The following OR14A2 variants were observed in gnomAD, a reference collection of about 807,000 sequenced individuals.
The protein encoded by OR14A2 is olfactory receptor family 14 subfamily A member 2.
For missense variants in OR14A2, 237 were observed against 152.9 expected (o/e 1.55, Z -2.90); for synonymous variants, 114 against 58.6 (o/e 1.95, Z -4.32).
At chr1:247,725,283 G>T (rs911013345), upstream of OR14A2, among the ~76,000 whole-genome samples, 1 of 151,934 alleles carries the variant, frequency 6.6e-6, no homozygotes, top group Non-Finnish European at 1.5e-5. Context: ...TAAAGTAAAG[G>T]TTACGGACAT....
At chr1:247,737,163 T>A in the OR14A2 span, among the ~76,000 whole-genome samples, 1 of 152,128 alleles carries the variant, frequency 6.6e-6, no homozygotes, top group African/African-American at 2.4e-5. Flanking sequence ...AATGGACATA[T>A]TCTATGAAGG....
the OR14A2 span, chr1:247,738,639 G>A: frequency 2.2e-4 from 172 of 780,188 alleles, 1 homozygote; most frequent in African/African-American, 2.8e-3. Flanking sequence ...ACAGATGATG[G>A]AATTCTTGCT....
chr1:247,744,380 C>T, the OR14A2 span, among the ~76,000 whole-genome samples: 1 of 152,244 alleles, frequency 6.6e-6, no homozygotes, highest in African/African-American at 2.4e-5. This position sits in a 1 kb window ranked among gnomAD's most constrained non-coding sequence, Gnocchi z 4.3. Context: ...TTTGGATCTT[C>T]AAATACATAA....
At chr1:247,734,634 C>G in the OR14A2 span, among the ~76,000 whole-genome samples, 3 of 152,272 alleles carry the variant, frequency 2.0e-5, no homozygotes, top group African/African-American at 7.2e-5. Flanking sequence ...CTACATTGAT[C>G]TAGATTCAGT....
the OR14A2 span, chr1:247,746,737 G>T: frequency 1.3e-5 from 2 of 152,200 alleles, no homozygotes; most frequent in Non-Finnish European, 2.9e-5. Flanking sequence ...AATGTGGCTG[G>T]TGTAGGTAAG....
the OR14A2 span, among the ~76,000 whole-genome samples, chr1:247,740,434 T>C: frequency 5.0e-4 from 76 of 152,348 alleles, no homozygotes; most frequent in African/African-American, 1.8e-3. Flanking sequence ...TGGTAGATTT[T>C]ATACAATTAC....
At chr1:247,728,784 A>G (rs368535691), upstream of OR14A2, among the ~76,000 whole-genome samples, 4 of 152,146 alleles carry the variant, frequency 2.6e-5, 1 homozygote, top group East Asian at 5.8e-4. Flanking sequence ...CCACATGGAC[A>G]CAGGATTACT....
At chr1:247,747,502 C>T in the OR14A2 span, among the ~76,000 whole-genome samples, 1 of 151,934 alleles carries the variant, frequency 6.6e-6, no homozygotes, top group African/African-American at 2.4e-5. Flanking sequence ...GCTGGAACTA[C>T]AGGCGCTCGC....
chr1:247,730,144 T>C, the OR14A2 span, among the ~76,000 whole-genome samples: 1 of 152,004 alleles, frequency 6.6e-6, no homozygotes, highest in Admixed American at 6.6e-5. Context: ...TTACAGGAGG[T>C]ACACTTCAGG....
chr1:247,740,012 T>C, the OR14A2 span, among the ~76,000 whole-genome samples: 5 of 152,148 alleles, frequency 3.3e-5, no homozygotes, highest in Non-Finnish European at 7.4e-5. Flanking sequence ...GCCCATCTCT[T>C]TTCCTATACT....
chr1:247,738,895 G>C, the OR14A2 span: 1 of 780,492 alleles, frequency 1.3e-6, no homozygotes, highest in Non-Finnish European at 2.4e-6. Flanking sequence ...TCCTTCCTGG[G>C]GTGTGTGTTG....
chr1:247,740,771 T>G, the OR14A2 span, among the ~76,000 whole-genome samples: 1 of 152,220 alleles, frequency 6.6e-6, no homozygotes, highest in Non-Finnish European at 1.5e-5. Flanking sequence ...TTCCTAGAGA[T>G]GGAAATTAAC....
At chr1:247,727,940 C>T (rs1456938501), upstream of OR14A2, among the ~76,000 whole-genome samples, 1 of 143,776 alleles carries the variant, frequency 7.0e-6, no homozygotes, top group Admixed American at 6.7e-5. Flanking sequence ...GATAGTTTAC[C>T]AACCAAAAAG....
At chr1:247,732,220 G>T in the OR14A2 span, among the ~76,000 whole-genome samples, 1 of 151,912 alleles carries the variant, frequency 6.6e-6, no homozygotes, top group East Asian at 1.9e-4. Context: ...ATAGTCCCCA[G>T]TCTTCTCTTT....
the OR14A2 span, among the ~76,000 whole-genome samples, chr1:247,732,281 C>T: frequency 6.6e-6 from 1 of 152,092 alleles, no homozygotes; most frequent in South Asian, 2.1e-4. Flanking sequence ...TCCATTTTGG[C>T]CAGCATCGTA....
the OR14A2 span, among the ~76,000 whole-genome samples, chr1:247,735,603 G>A: frequency 6.6e-6 from 1 of 152,272 alleles, no homozygotes; most frequent in Admixed American, 6.5e-5. Flanking sequence ...CCTCCCAGGA[G>A]AGTCCCATAT....
At chr1:247,724,328 T>C (rs1456891479), upstream of OR14A2, among the ~76,000 whole-genome samples, 1 of 152,150 alleles carries the variant, frequency 6.6e-6, no homozygotes, top group Non-Finnish European at 1.5e-5. Flanking sequence ...ACAAGACACA[T>C]GTAACTTGAC....
the OR14A2 span, among the ~76,000 whole-genome samples, chr1:247,745,825 T>C: frequency 6.6e-6 from 1 of 152,312 alleles, no homozygotes; most frequent in Non-Finnish European, 1.5e-5. Context: ...TCTCGTAATG[T>C]TAAGGAAGGA....
upstream of OR14A2, chr1:247,724,150 A>G: frequency 1.8e-6 from 1 of 561,058 alleles, no homozygotes; most frequent in Non-Finnish European, 3.2e-6. Context: ...AGTCATATTG[A>G]TATACAAAAA....
Sources: gnomAD v4.1 joint callset for allele counts (sites outside exome capture counted in the v4.1 genomes callset) on GRCh38, gnomAD v4.1.1 for gene constraint, Gnocchi (gnomAD v3.1) non-coding constraint, MANE v1.5 for transcripts, NCBI Gene and HGNC (gene_info 2026-07-23, HGNC 2026-07-21) for gene names.